Variants in COG6 observed in about 807,000 individuals in gnomAD.
COG6 encodes conserved oligomeric Golgi complex subunit 6.
COG6 carries 74 observed loss-of-function variants against 88.8 expected under a neutral mutation model. The observed-to-expected ratio is 0.83, with a 90% CI of 0.69 to 1.01. The LOEUF is 1.01. Ranked by LOEUF, COG6 falls within the 50% of genes least tolerant of loss-of-function variation. The pLI, the probability that COG6 is intolerant of heterozygous loss-of-function variation, is 0.00. For missense variants in COG6, 800 were observed against 797.9 expected, an observed-to-expected ratio of 1.00 and a Z score of -0.03; for synonymous variants, 286 against 278.7, an observed-to-expected ratio of 1.03 and a Z score of -0.26.
intron 15 of COG6, 117 bp downstream of exon 15, chr13:39,719,944 T>G: frequency 1.3e-6 from 1 of 745,190 alleles, no homozygotes; most frequent in South Asian, 1.5e-5. Flanking sequence ...TCCCTTGATA[T>G]CATCTGATGA....
At chr13:39,696,283 G>A (rs1313264974) in intron 12 of COG6, among the ~76,000 whole-genome samples, 3 of 151,748 alleles carry the variant, frequency 2.0e-5, no homozygotes, top group Non-Finnish European at 4.4e-5. Flanking sequence ...TAACAAAACA[G>A]AGCTTAAACT....
chr13:39,704,294 G>A (rs934732707), intron 13 of COG6, among the ~76,000 whole-genome samples: 5 of 152,134 alleles, frequency 3.3e-5, no homozygotes, highest in African/African-American at 7.2e-5. Context: ...AAAAATCTGC[G>A]TGTGACTTTC....
At position 39,763,994 on chromosome 13, in the gene COG6, A is replaced by C. The variant is rs560330246; in HGVS notation, c.1827-24341A>C. ...TAAGATTGTTATTACTTCTTTCTTAAATGTTTAGAAGAGTTTCAAGTAGAG... is the reference window on the plus strand; with the variant it reads ...TAAGATTGTTATTACTTCTTTCTTACATGTTTAGAAGAGTTTCAAGTAGAG... On this transcript the variant is annotated intron_variant, in intron 18 of 18. Coordinates refer to the COG6 transcript ENST00000416691. Among the ~76,000 whole-genome samples the C allele has an allele frequency of 1.3e-4, 20 of 151,878 alleles. No individual in the cohort carries two copies. The East Asian group carries it at 3.9e-3, about 29-fold the overall frequency.
rs1874743403 is a variant in COG6, at chr13:39,659,360, A to G, written c.154-4A>G. 2 of 1,613,212 alleles carry G rather than the reference A, an allele frequency of 1.2e-6. No individual in the cohort carries two copies. Among genetic ancestry groups the G allele is most frequent in the Non-Finnish European group, 1.7e-6 (2 of 1,179,406 alleles). On this transcript the variant is annotated splice_region_variant and splice_polypyrimidine_tract_variant and intron_variant, in intron 1 of 18. Transcript: ENST00000455146. The stretch of plus-strand genomic sequence containing the variant: ...GTAACTGTCTTCTGTTACCAATTGT[A>G]TAGGAGATGTTAGAAGCTCTCAAGG...
chr13:39,778,689 T>A (rs956044306), intron 18 of COG6, among the ~76,000 whole-genome samples: 13 of 152,208 alleles, frequency 8.5e-5, no homozygotes, highest in Non-Finnish European at 1.5e-5. Flanking sequence ...GATTCAGAAG[T>A]GGCATAGTTG....
intron 18 of COG6, among the ~76,000 whole-genome samples, chr13:39,779,085 G>A (rs775979683): frequency 6.6e-6 from 1 of 152,144 alleles, no homozygotes; most frequent in African/African-American, 2.4e-5. Flanking sequence ...ACTGTAAACT[G>A]TCACACTGCG....
chr13:39,662,572 A>T (rs1340714230), intron 3 of COG6, among the ~76,000 whole-genome samples: 1 of 152,238 alleles, frequency 6.6e-6, no homozygotes, highest in African/African-American at 2.4e-5. Flanking sequence ...AAAGTGTTCA[A>T]ATTGATAGGC....
chr13:39,679,384 G>A lies in COG6; in HGVS notation c.541-154G>A, dbSNP rs149238575. 962 of 649,544 alleles carry A rather than the reference G, an allele frequency of 1.5e-3. 8 individuals are homozygous for A. The African/African-American group carries it at 0.015, about 10-fold the overall frequency. 40.2% of individuals were successfully genotyped at this position (649,544 alleles called of 1,614,324 possible). The stretch of plus-strand genomic sequence containing the variant: ...AATGTGAATAAATACCAGTTACACC[G>A]TCTATGAAAACTTAGAGAAAGTTGA... On this transcript the variant is annotated intron_variant, in intron 5 of 18. Coordinates refer to ENST00000455146, the MANE Select transcript of COG6 (RefSeq NM_020751.3).
chr13:39,741,306 C>T (rs1213969604), intron 18 of COG6, among the ~76,000 whole-genome samples: 2 of 152,094 alleles, frequency 1.3e-5, no homozygotes, highest in Admixed American at 6.6e-5. Flanking sequence ...TAACAAACTT[C>T]TCTGAGCTAA....
intron 13 of COG6, among the ~76,000 whole-genome samples, chr13:39,711,107 C>T (rs554652974): frequency 1.6e-4 from 25 of 152,136 alleles, no homozygotes; most frequent in African/African-American, 4.8e-4. Context: ...CTTCCTCCTC[C>T]ACCTGTAACA....
At chr13:39,692,633 A>G (rs1877044687) in intron 11 of COG6, among the ~76,000 whole-genome samples, 1 of 151,952 alleles carries the variant, frequency 6.6e-6, no homozygotes, top group South Asian at 2.1e-4. Context: ...CATGAACACA[A>G]ACCCACTCTC....
intron 13 of COG6, among the ~76,000 whole-genome samples, chr13:39,708,248 A>G (rs1406430176): frequency 6.6e-6 from 1 of 152,180 alleles, no homozygotes; most frequent in Non-Finnish European, 1.5e-5. Flanking sequence ...TTATTGACTT[A>G]TAAGAGTTTT....
At chr13:39,686,835 TC>T (rs955724066) in intron 8 of COG6, among the ~76,000 whole-genome samples, 1 of 151,702 alleles carries the variant, frequency 6.6e-6, no homozygotes, top group East Asian at 1.9e-4. Flanking sequence ...GCTCAAGTGA[TC>T]CCCCTACCTC....
chr13:39,719,600 T>C, intron 14 of COG6, 60 bp from the exon 15 acceptor site: 1 of 1,494,654 alleles, frequency 6.7e-7, no homozygotes, highest in Non-Finnish European at 9.3e-7. Flanking sequence ...TAAATATCAT[T>C]AACCCAAGAC....
chr13:39,686,145 A>G (rs1259644879), intron 8 of COG6, among the ~76,000 whole-genome samples: 5 of 152,202 alleles, frequency 3.3e-5, no homozygotes, highest in African/African-American at 1.2e-4. Flanking sequence ...TATCTTGGGA[A>G]GTTTTGGTAA....
chr13:39,783,512 A>T (rs1881689474), intron 18 of COG6, among the ~76,000 whole-genome samples: 1 of 152,020 alleles, frequency 6.6e-6, no homozygotes, highest in Non-Finnish European at 1.5e-5. Context: ...TCTCTGTTTG[A>T]TGTTAAATTC....
chr13:39,668,336 C>A (rs1207788324), intron 4 of COG6, among the ~76,000 whole-genome samples: 1 of 152,086 alleles, frequency 6.6e-6, no homozygotes, highest in Admixed American at 6.6e-5. Flanking sequence ...AAACACCTGG[C>A]CTTAGACAAA....
chr13:39,656,297 A>T, intron 1 of COG6: 1 of 430,970 alleles, frequency 2.3e-6, no homozygotes, highest in Non-Finnish European at 4.7e-6. Context: ...GGGGGTCGGG[A>T]GACCAAGAGA....
At chr13:39,682,392 G>A (rs941569954) in intron 8 of COG6, 128 bp downstream of exon 8, 35 of 648,174 alleles carry the variant, frequency 5.4e-5, no homozygotes, top group Admixed American at 2.1e-4. Flanking sequence ...CAACAATACT[G>A]TTCACCTTAA....
Sources: allele counts gnomAD v4.1 joint callset (sites outside exome capture counted in the v4.1 genomes callset), GRCh38; gene constraint gnomAD v4.1.1; transcripts MANE v1.5; gene names NCBI Gene and HGNC (gene_info 2026-07-23, HGNC 2026-07-21).